AGAP1: variants seen among roughly 807,000 people sequenced by gnomAD.
The protein encoded by AGAP1 is ArfGAP with GTPase domain, ankyrin repeat and PH domain 1, also known as arf-GAP with GTPase, ANK repeat and PH domain-containing protein 1.
AGAP1 carries 29 observed loss-of-function variants against 105.3 expected under a neutral mutation model. The ratio of observed to expected loss-of-function variants is 0.28; its 90% CI spans 0.21 to 0.38. AGAP1 has a LOEUF of 0.38. Ranked by LOEUF, AGAP1 falls within the 10% of genes least tolerant of loss-of-function variation. AGAP1 has a pLI of 1.00. For missense variants in AGAP1, 998 were observed against 1,165.1 expected, an observed-to-expected ratio of 0.86 and a Z score of 2.09; for synonymous variants, 509 against 485.9, an observed-to-expected ratio of 1.05 and a Z score of -0.63.
intron 6 of AGAP1, among the ~76,000 whole-genome samples, chr2:235,764,756 G>C (rs1290558223): frequency 8.5e-6 from 1 of 118,304 alleles, no homozygotes; most frequent in Admixed American, 8.2e-5. Flanking sequence ...GTGGGGTGGG[G>C]GCATCTGGGA....
At chr2:235,500,658 C>G (rs1941523440) in intron 1 of AGAP1, among the ~76,000 whole-genome samples, 1 of 152,296 alleles carries the variant, frequency 6.6e-6, no homozygotes, top group African/African-American at 2.4e-5. Flanking sequence ...GGACGAGGGA[C>G]TTAAACCAGA....
intron 6 of AGAP1, among the ~76,000 whole-genome samples, chr2:235,773,416 C>G (rs1955612891): frequency 6.6e-6 from 1 of 152,168 alleles, no homozygotes; most frequent in Admixed American, 6.5e-5. Context: ...AGTTACACTC[C>G]TATGCAAATG....
chr2:235,984,609 G>A (rs573870912), intron 13 of AGAP1, among the ~76,000 whole-genome samples: 2 of 150,574 alleles, frequency 1.3e-5, no homozygotes, highest in African/African-American at 2.4e-5. Context: ...CCTCACCCCC[G>A]ACCCCCAAAC....
In AGAP1 at chr2:235,552,925, C is replaced by G. The variant is rs149220651; in HGVS notation, c.163+58076C>G. Among the ~76,000 whole-genome samples, 219 of 152,360 alleles carry G rather than the reference C, an allele frequency of 1.4e-3. 1 individual carries two copies. The highest frequency in any genetic ancestry group is 4.9e-3 in the African/African-American group (204 of 41,580). The stretch of plus-strand genomic sequence containing the variant: ...GAGGCAGCGCCTGCCTTGGTCGTAA[C>G]TTCTCACACACATACATCCACACAT... On this transcript the variant is annotated intron_variant, in intron 1 of 17. Transcript: ENST00000304032. The surrounding 1 kb of genome is among the most constrained non-coding windows in gnomAD (Gnocchi z 5.9).
chr2:235,634,277 T>G (rs1946921424), intron 1 of AGAP1, among the ~76,000 whole-genome samples: 1 of 152,236 alleles, frequency 6.6e-6, no homozygotes, highest in Non-Finnish European at 1.5e-5. Flanking sequence ...TCACTGTGTA[T>G]CTCTGTGTAC....
rs1287701643 is a variant in AGAP1 at position 235,609,407 on chromosome 2, G to A, written c.164-99772G>A. The stretch of plus-strand genomic sequence containing the variant: ...GCGGGAAGCCTCCACAACAGGTGGA[G>A]AAAATAGCAAGGGCTGCTGGGCACG... On this transcript the variant is annotated intron_variant, in intron 1 of 17. Transcript: ENST00000304032. The surrounding 1 kb of genome is among the most constrained non-coding windows in gnomAD (Gnocchi z 5.1). 6.6e-6 allele frequency among the ~76,000 whole-genome samples: 1 copy of A among 152,174 alleles called. No homozygotes were observed. Among genetic ancestry groups the A allele is most frequent in the African/African-American group, 2.4e-5 (1 of 41,450 alleles).
intron 10 of AGAP1, among the ~76,000 whole-genome samples, chr2:235,899,748 A>T (rs546094770): frequency 2.0e-5 from 3 of 152,286 alleles, no homozygotes; most frequent in East Asian, 1.9e-4. Context: ...TTGTAATGAG[A>T]GGCCTACAGT....
rs961709484 is a variant in AGAP1 at position 235,612,721 on chromosome 2, C to T, written c.164-96458C>T. On this transcript the variant is annotated intron_variant, in intron 1 of 17. Transcript: ENST00000304032. The surrounding 1 kb of genome is among the most constrained non-coding windows in gnomAD (Gnocchi z 4.3). ...CAGTGGTCCTTTTGCATGGGGTGGC[C>T]GGCCAGGTGTGCTGAGTGCCACCTG... Among the ~76,000 whole-genome samples, 5 of 150,952 alleles carry T rather than the reference C, an allele frequency of 3.3e-5. No homozygotes were observed. Among genetic ancestry groups the T allele is most frequent in the Non-Finnish European group, 5.9e-5 (4 of 67,708 alleles).
rs2059586110 is a variant in AGAP1 at position 236,109,363 on chromosome 2, T to C, written c.2115-10829T>C. 6.6e-6 allele frequency among the ~76,000 whole-genome samples: 1 copy of C among 152,218 alleles called. No individual in the cohort carries two copies. The highest frequency in any genetic ancestry group is 1.5e-5 in the Non-Finnish European group (1 of 68,036). Reference sequence around the variant, plus strand: ...ATGACTTGCCTTTTCCTTTTAGTGATCTCCTTTCTCTTCATTCTAAAATTC... The same window carrying C: ...ATGACTTGCCTTTTCCTTTTAGTGACCTCCTTTCTCTTCATTCTAAAATTC... On this transcript the variant is annotated intron_variant, in intron 16 of 17. Coordinates refer to ENST00000304032, the MANE Select transcript of AGAP1 (RefSeq NM_001037131.3). This position sits in a 1 kb window ranked among gnomAD's most constrained non-coding sequence, Gnocchi z 5.4.
rs1316236057 is a variant in AGAP1, at chr2:235,621,841, G to C, written c.164-87338G>C. On this transcript the variant is annotated intron_variant, in intron 1 of 17. Transcript: ENST00000304032. The surrounding 1 kb of genome is among the most constrained non-coding windows in gnomAD (Gnocchi z 4.1). ...CCCTGGGAGCGGCTGCTGATGTTCTGGCTCTCTGCAGTTGGGTAGGAGTGG... is the reference window on the plus strand; with the variant it reads ...CCCTGGGAGCGGCTGCTGATGTTCTCGCTCTCTGCAGTTGGGTAGGAGTGG... Among the ~76,000 whole-genome samples, 2 of 152,194 alleles carry C rather than the reference G, an allele frequency of 1.3e-5. No individual in the cohort carries two copies. Among genetic ancestry groups the C allele is most frequent in the Non-Finnish European group, 2.9e-5 (2 of 68,032 alleles).
chr2:236,023,981 C>T (rs953568233), intron 13 of AGAP1, among the ~76,000 whole-genome samples: 3 of 150,604 alleles, frequency 2.0e-5, no homozygotes, highest in Non-Finnish European at 4.4e-5. Flanking sequence ...AGAAACATCT[C>T]GGCATTGCAC....
chr2:235,718,568 T>C (rs1951231719), intron 3 of AGAP1, among the ~76,000 whole-genome samples: 1 of 152,222 alleles, frequency 6.6e-6, no homozygotes, highest in Non-Finnish European at 1.5e-5. Flanking sequence ...TAGTTGTCTT[T>C]TTAGCAGTAG....
rs1041956736 is a variant in AGAP1, at chr2:235,953,338, A to T, written c.1484-15124A>T. On this transcript the variant is annotated intron_variant, in intron 12 of 17. Coordinates refer to ENST00000304032, the MANE Select transcript of AGAP1 (RefSeq NM_001037131.3). The surrounding 1 kb of genome is among the most constrained non-coding windows in gnomAD (Gnocchi z 5.2). ...CTAACATAACAAAAGGTTACATGTG[A>T]TGGCCAAGGGAAAAGAAAACGTAAT... is the stretch of plus-strand genomic sequence containing the variant. Among the ~76,000 whole-genome samples, 1 of 152,246 alleles carries T rather than the reference A, an allele frequency of 6.6e-6. No homozygotes were observed. The highest frequency in any genetic ancestry group is 2.4e-5 in the African/African-American group (1 of 41,462).
intron 3 of AGAP1, among the ~76,000 whole-genome samples, chr2:235,718,864 G>T (rs1187679182): frequency 3.3e-5 from 5 of 152,184 alleles, no homozygotes; most frequent in African/African-American, 1.2e-4. Context: ...CCAGAAAATG[G>T]CATGATTTGG....
rs74912962 is a variant in AGAP1, at chr2:236,082,679, G to A, written c.2114+33398G>A. Among the ~76,000 whole-genome samples the A allele has an allele frequency of 6.6e-6, 1 of 152,230 alleles. No individual in the cohort carries two copies. The highest frequency in any genetic ancestry group is 1.9e-4 in the East Asian group (1 of 5,198). ...ACCTGAGGCCAGGAGTTTGAGACCA[G>A]CCTGGCCAACATGGCGAAACCCTGT... On this transcript the variant is annotated intron_variant, in intron 16 of 17. Coordinates refer to ENST00000304032, the MANE Select transcript of AGAP1 (RefSeq NM_001037131.3). The surrounding 1 kb of genome is among the most constrained non-coding windows in gnomAD (Gnocchi z 4.2).
At chr2:235,697,446 G>A (rs912201321) in intron 1 of AGAP1, among the ~76,000 whole-genome samples, 2 of 152,224 alleles carry the variant, frequency 1.3e-5, no homozygotes, top group African/African-American at 4.8e-5. Flanking sequence ...AATCCCCGAT[G>A]AAGCAATGCT....
chr2:235,767,158 A>T (rs940617492), intron 6 of AGAP1, among the ~76,000 whole-genome samples: 1 of 152,052 alleles, frequency 6.6e-6, no homozygotes, highest in Non-Finnish European at 1.5e-5. Flanking sequence ...TGATCTGCCC[A>T]CCTTGGCCTC....
intron 10 of AGAP1, among the ~76,000 whole-genome samples, chr2:235,886,590 G>C (rs543655247): frequency 6.6e-6 from 1 of 152,254 alleles, no homozygotes; most frequent in South Asian, 2.1e-4. Context: ...AATCTTACTG[G>C]AGTACGGAAG....
rs568827061 is a variant in AGAP1, at chr2:235,774,026, T to G, written c.673+23538T>G. 214 of 463,524 alleles carry G rather than the reference T, an allele frequency of 4.6e-4. 1 individual carries two copies. Among genetic ancestry groups the G allele is most frequent in the African/African-American group, 3.8e-3 (189 of 49,668 alleles). 28.7% of individuals were successfully genotyped at this position (463,524 alleles called of 1,614,324 possible). On this transcript the variant is annotated intron_variant, in intron 6 of 17. Coordinates refer to ENST00000304032, the MANE Select transcript of AGAP1 (RefSeq NM_001037131.3). ...ATAAAACAGGACCAAGAGATAGCAA[T>G]TACTACTACTATTATGACTACGATG... is the stretch of plus-strand genomic sequence containing the variant.
Sources: gnomAD v4.1 joint callset for allele counts (sites outside exome capture counted in the v4.1 genomes callset) on GRCh38, gnomAD v4.1.1 for gene constraint, Gnocchi (gnomAD v3.1) non-coding constraint, MANE v1.5 for transcripts, NCBI Gene and HGNC (gene_info 2026-07-23, HGNC 2026-07-21) for gene names.